Variants in MYPN observed in about 807,000 individuals in gnomAD.
The protein encoded by MYPN is myopalladin, also known as sarcomeric protein myopalladin, 145 kDa (MYOP).
A neutral mutation model predicts 129.4 loss-of-function variants in MYPN; 63 were observed. The ratio of observed to expected loss-of-function variants is 0.49; its 90% CI spans 0.40 to 0.60. The LOEUF (loss-of-function observed/expected upper bound fraction) is 0.60, where lower values mean the gene tolerates loss of function less well. Among genes scored for constraint, MYPN ranks in the 20% least tolerant of loss-of-function variants. MYPN has a pLI of 0.00. For missense variants in MYPN, 1,596 were observed against 1,635.4 expected (o/e 0.98, Z 0.42); for synonymous variants, 629 against 600.9 (o/e 1.05, Z -0.68).
chr10:68,115,767 C>T (rs962027877), intron 1 of MYPN, among the ~76,000 whole-genome samples: 1 of 152,162 alleles, frequency 6.6e-6, no homozygotes, highest in Non-Finnish European at 1.5e-5. Context: ...ATGATCTGGC[C>T]TTGAACCTTT....
chr10:68,201,524 T>C (rs1327705643), intron 17 of MYPN, among the ~76,000 whole-genome samples: 1 of 152,140 alleles, frequency 6.6e-6, no homozygotes, highest in Non-Finnish European at 1.5e-5. Context: ...CCCAGCACTT[T>C]GGGAGGCCAA....
upstream of MYPN, among the ~76,000 whole-genome samples, chr10:68,102,353 T>C (rs2041985951): frequency 6.6e-6 from 1 of 152,116 alleles, no homozygotes; most frequent in Non-Finnish European, 1.5e-5. Flanking sequence ...GGTCTCAAAC[T>C]CCTAGGCTCA....
chr10:68,191,151 G>A (rs1159602084), intron 13 of MYPN, among the ~76,000 whole-genome samples: 1 of 151,710 alleles, frequency 6.6e-6, no homozygotes, highest in Admixed American at 6.6e-5. Flanking sequence ...TTTTGCTCAG[G>A]GTTGTTTTGG....
chr10:68,164,843 T>A (rs1205436973), intron 8 of MYPN, among the ~76,000 whole-genome samples: 1 of 152,246 alleles, frequency 6.6e-6, no homozygotes, highest in East Asian at 1.9e-4. Context: ...CATTTCACTC[T>A]TCTTTCACAC....
In MYPN at chr10:68,199,461, G is replaced by A. The variant is rs752302519; in HGVS notation, c.3379G>A (p.Gly1127Arg). ...CCACAAGATGCTGGTCAGGGAGACC[G>A]GAGTCCACTCTCTGCTCATTGACCC... is the stretch of plus-strand genomic sequence containing the variant. ...ASHKMLVRET[G>R]VHSLLIDPLT... The change falls in exon 17 of 20, where the codon GGA becomes AGA. Residue 1127 changes from glycine (G) to arginine (R), a missense_variant. Gly to Arg is a moderately radical substitution (Grantham distance 125, BLOSUM62 -2). Coordinates refer to ENST00000358913, the MANE Select transcript of MYPN (RefSeq NM_032578.4). The A allele has an allele frequency of 1.5e-5, 25 of 1,614,028 alleles. No individual in the cohort carries two copies. Among genetic ancestry groups the A allele is most frequent in the South Asian group, 1.3e-4 (12 of 91,080 alleles).
intron 12 of MYPN, among the ~76,000 whole-genome samples, chr10:68,188,539 AGAATGCAGTTCAGAATG>A: frequency 1.3e-5 from 2 of 152,292 alleles, no homozygotes; most frequent in East Asian, 3.9e-4. Flanking sequence ...GGCATGTATC[AGAATGCAGTTCAGAATG>A]GCTTTGCCAA....
intron 1 of MYPN, among the ~76,000 whole-genome samples, chr10:68,093,028 G>A (rs2041937960): frequency 6.6e-6 from 1 of 152,000 alleles, no homozygotes; most frequent in Admixed American, 6.6e-5. Context: ...AAAATTATCT[G>A]AAAACAGATA....
At chr10:68,176,832 T>G (rs910408648) in intron 12 of MYPN, among the ~76,000 whole-genome samples, 3 of 152,206 alleles carry the variant, frequency 2.0e-5, no homozygotes, top group African/African-American at 7.2e-5. Context: ...TCTAGGATAC[T>G]CTCACATTTT....
intron 19 of MYPN, among the ~76,000 whole-genome samples, chr10:68,207,235 G>A (rs2043832008): frequency 6.6e-6 from 1 of 152,124 alleles, no homozygotes; most frequent in Non-Finnish European, 1.5e-5. Context: ...TCCAGCCTGG[G>A]CAACAGAACA....
At chr10:68,172,988 A>G (rs7908541) in intron 10 of MYPN, among the ~76,000 whole-genome samples, 140,412 of 152,152 alleles carry the variant, frequency 0.92, 65,861 homozygotes, top group East Asian at 1. Context: ...CACAAGAATC[A>G]CTTGAACCCA....
chr10:68,154,153 A>G (rs1041432685), intron 6 of MYPN, among the ~76,000 whole-genome samples: 1 of 152,208 alleles, frequency 6.6e-6, no homozygotes, highest in Admixed American at 6.5e-5. Flanking sequence ...CTGTGGATAG[A>G]GATAGACTAT....
At position 68,202,006 on chromosome 10, in the gene MYPN, ACCACATCCAGAGGGACT is replaced by A. The variant is rs1490932437; in HGVS notation, c.3659+15_3659+31del. 1 of 1,613,812 alleles carries A rather than the reference ACCACATCCAGAGGGACT, an allele frequency of 6.2e-7. No homozygotes were observed. The highest frequency in any genetic ancestry group is 8.5e-7 in the Non-Finnish European group (1 of 1,179,990). ...AGAGAGAGGATCAGGTACAGCAGCC[ACCACATCCAGAGGGACT>A]CCCACTCTCAGTGGGGCTTGTTGCG... On this transcript the variant is annotated intron_variant, in intron 18 of 19. Coordinates refer to ENST00000358913, the MANE Select transcript of MYPN (RefSeq NM_032578.4).
Position 68,166,407 on chromosome 10 carries a change from C to G in MYPN, c.1714C>G (p.Gln572Glu). 1 of 1,614,154 alleles carries G rather than the reference C, an allele frequency of 6.2e-7. No individual in the cohort carries two copies. Among genetic ancestry groups the G allele is most frequent in the South Asian group, 1.1e-5 (1 of 91,072 alleles). Residue 572 changes from glutamine to glutamate, a missense_variant, in exon 10 of 20, where the codon CAA becomes GAA. By Grantham distance (29) the Gln-to-Glu change is conservative. Coordinates refer to ENST00000358913, the MANE Select transcript of MYPN (RefSeq NM_032578.4). The part of the protein sequence containing the change: ...PPHSEPPSVE[Q>E]PPKPKLEGVL... ...CCACTCAGAGCCTCCATCTGTGGAA[C>G]AACCCCCCAAACCCAAACTCGAGGG...
rs139697173 is a variant in MYPN, at chr10:68,133,631, G to T, written c.903-9309G>T. On this transcript the variant is annotated intron_variant, in intron 2 of 19. Transcript: ENST00000358913. The stretch of plus-strand genomic sequence containing the variant: ...GCAGCATAAGGAACTCTCTGGACAT[G>T]CTCCAGGCTCAGGGACAAAAGATAC... Among the ~76,000 whole-genome samples the T allele has an allele frequency of 1.6e-3, 244 of 152,100 alleles. 6 individuals carry two copies. In the East Asian group the frequency reaches 0.029, roughly 18 times the overall value.
At chr10:68,135,302 C>T (rs2042469934) in intron 2 of MYPN, among the ~76,000 whole-genome samples, 1 of 152,334 alleles carries the variant, frequency 6.6e-6, no homozygotes, top group Non-Finnish European at 1.5e-5. Flanking sequence ...TATCCTCCCA[C>T]TTACACTCCT....
chr10:68,161,207 G>C (rs2042969191), intron 7 of MYPN, among the ~76,000 whole-genome samples: 1 of 152,044 alleles, frequency 6.6e-6, no homozygotes, highest in Non-Finnish European at 1.5e-5. Flanking sequence ...TTTAATTGTT[G>C]CTCTTGGGCA....
At chr10:68,154,852 A>G (rs2042840584) in intron 6 of MYPN, among the ~76,000 whole-genome samples, 1 of 152,184 alleles carries the variant, frequency 6.6e-6, no homozygotes, top group Admixed American at 6.5e-5. Flanking sequence ...GGTGCTGGGC[A>G]CAAAGCAGGC....
chr10:68,118,499 T>G (rs1326678058), intron 1 of MYPN, among the ~76,000 whole-genome samples: 3 of 152,130 alleles, frequency 2.0e-5, no homozygotes, highest in African/African-American at 7.2e-5. Flanking sequence ...GTATAAAAGC[T>G]ATCTCAAAAT....
rs1430111683 is a variant in MYPN, at chr10:68,150,164, C to G, written c.1317+53C>G. On this transcript the variant is annotated intron_variant, in intron 6 of 19. Transcript: ENST00000358913. Reference sequence around the variant, plus strand: ...ATGGCTTTAAAGATACCACAGCACCCAAAGTTATAGGATACAAGATTTATT... The same window carrying G: ...ATGGCTTTAAAGATACCACAGCACCGAAAGTTATAGGATACAAGATTTATT... 9.2e-6 allele frequency: 13 copies of G among 1,408,104 alleles called. 1 individual carries two copies. The highest frequency in any genetic ancestry group is 1.3e-5 in the Non-Finnish European group (13 of 993,248). 87.2% of individuals were successfully genotyped at this position (1,408,104 alleles called of 1,614,324 possible). A position where few individuals can be genotyped will look rare whatever the true frequency, so the allele number is the denominator to read the frequency against.
Sources: gnomAD v4.1 joint callset for allele counts (sites outside exome capture counted in the v4.1 genomes callset) on GRCh38, gnomAD v4.1.1 for gene constraint, MANE v1.5 for transcripts, NCBI Gene and HGNC (gene_info 2026-07-23, HGNC 2026-07-21) for gene names.